RNF216: variants seen among roughly 807,000 people sequenced by gnomAD.
RNF216 encodes E3 ubiquitin-protein ligase RNF216.
In RNF216, 72 loss-of-function variants were observed where a neutral mutation model predicts 110.8. That is an observed-to-expected ratio of 0.65 (90% CI 0.54 to 0.79). RNF216 has a LOEUF of 0.79. Among genes scored for constraint, RNF216 ranks in the 30% least tolerant of loss-of-function variants. RNF216 has a pLI of 0.00. For missense variants in RNF216, 1,342 were observed against 1,141.2 expected, an observed-to-expected ratio of 1.18 and a Z score of -2.54; for synonymous variants, 495 against 407.5, an observed-to-expected ratio of 1.21 and a Z score of -2.59.
At chr7:5,750,043 C>G (rs1389026067) in intron 3 of RNF216, among the ~76,000 whole-genome samples, 1 of 152,108 alleles carries the variant, frequency 6.6e-6, no homozygotes, top group African/African-American at 2.4e-5. Flanking sequence ...AGGATCCCTC[C>G]AGAATTTGCA....
chr7:5,775,709 A>C (rs1796737252), intron 1 of RNF216, among the ~76,000 whole-genome samples: 1 of 152,042 alleles, frequency 6.6e-6, no homozygotes, highest in South Asian at 2.1e-4. Context: ...TCTCTACTAA[A>C]AATACAAAAA....
intron 1 of RNF216, 144 bp downstream of exon 1, chr7:5,781,397 G>C (rs1419148553): frequency 6.8e-6 from 1 of 148,086 alleles, no homozygotes; most frequent in Non-Finnish European, 1.5e-5. Flanking sequence ...CCCGGGCCTC[G>C]GCCCGCGCCC....
intron 2 of RNF216, chr7:5,760,460 G>C (rs1347628914): frequency 2.6e-6 from 1 of 385,552 alleles, no homozygotes; most frequent in Non-Finnish European, 5.3e-6. Context: ...AGCTCGTGGT[G>C]AGTCGAGATT....
At chr7:5,772,782 T>G (rs1273130217) in intron 1 of RNF216, among the ~76,000 whole-genome samples, 1 of 138,108 alleles carries the variant, frequency 7.2e-6, no homozygotes, top group Non-Finnish European at 1.7e-5. Context: ...TTCCTTTTTT[T>G]TTTTTTTTTT....
At chr7:5,706,070 A>C (rs956562047) in intron 13 of RNF216, among the ~76,000 whole-genome samples, 1 of 151,948 alleles carries the variant, frequency 6.6e-6, no homozygotes, top group East Asian at 1.9e-4. Flanking sequence ...AATGCAAAAA[A>C]TTAGCCGGGC....
chr7:5,743,827 T>C (rs999210506), intron 3 of RNF216, among the ~76,000 whole-genome samples: 1 of 152,144 alleles, frequency 6.6e-6, no homozygotes, highest in Non-Finnish European at 1.5e-5. Context: ...AAGCTGGAAA[T>C]ACCCTGGACC....
chr7:5,725,582 G>A (rs1793701247), intron 7 of RNF216, 144 bp from the exon 8 acceptor site: 1 of 620,624 alleles, frequency 1.6e-6, no homozygotes, highest in East Asian at 2.7e-5. Flanking sequence ...TGGGTGCGGT[G>A]GCTGACGCCT....
chr7:5,728,308 G>GGT (rs1793881415), intron 7 of RNF216, among the ~76,000 whole-genome samples: 2 of 151,752 alleles, frequency 1.3e-5, no homozygotes, highest in Non-Finnish European at 2.9e-5. Flanking sequence ...GGCCAGGCAC[G>GGT]GTGGCTCATG....
At chr7:5,771,359 A>G (rs1562480835) in intron 1 of RNF216, among the ~76,000 whole-genome samples, 1 of 152,214 alleles carries the variant, frequency 6.6e-6, no homozygotes, top group Non-Finnish European at 1.5e-5. Flanking sequence ...TACCCTAAAC[A>G]GGACATAAAC....
chr7:5,753,959 C>T (rs1261863107), intron 2 of RNF216, among the ~76,000 whole-genome samples: 1 of 152,124 alleles, frequency 6.6e-6, no homozygotes, highest in Non-Finnish European at 1.5e-5. Context: ...CGCAACACTG[C>T]ACTCTAGCCT....
intron 2 of RNF216, among the ~76,000 whole-genome samples, chr7:5,754,350 A>G (rs1208695441): frequency 6.6e-6 from 1 of 151,890 alleles, no homozygotes; most frequent in African/African-American, 2.4e-5. Context: ...TTTTGTAGAG[A>G]TGGAGTCTCA....
At chr7:5,635,006 T>C (rs920063667) in intron 15 of RNF216, among the ~76,000 whole-genome samples, 2 of 152,184 alleles carry the variant, frequency 1.3e-5, no homozygotes, top group Non-Finnish European at 2.9e-5. Flanking sequence ...AGGGACCCTA[T>C]GGGCACCTAA....
At chr7:5,667,554 A>G (rs977095991) in intron 13 of RNF216, among the ~76,000 whole-genome samples, 2 of 152,216 alleles carry the variant, frequency 1.3e-5, no homozygotes, top group African/African-American at 4.8e-5. Context: ...CATGCATAGG[A>G]AGCAGATCTA....
At chr7:5,735,299 T>G (rs756608908) in intron 5 of RNF216, among the ~76,000 whole-genome samples, 3 of 152,136 alleles carry the variant, frequency 2.0e-5, no homozygotes, top group African/African-American at 4.8e-5. Flanking sequence ...ACTCAAGATA[T>G]GAGCTTAGAG....
chr7:5,739,214 T>G, intron 5 of RNF216, 62 bp downstream of exon 5: 10 of 1,439,598 alleles, frequency 6.9e-6, no homozygotes, highest in Non-Finnish European at 9.1e-6. Context: ...TGGTAAATTT[T>G]TTATTACATA....
intron 6 of RNF216, among the ~76,000 whole-genome samples, chr7:5,729,916 A>AC (rs1793988715): frequency 6.6e-6 from 1 of 152,198 alleles, no homozygotes. Context: ...AGAGACAGTC[A>AC]AAGAATCTAT....
chr7:5,677,436 TAAAAGGAAAACA>T (rs1311774484), intron 13 of RNF216, among the ~76,000 whole-genome samples: 6 of 151,888 alleles, frequency 4.0e-5, no homozygotes, highest in Admixed American at 6.6e-5. Context: ...CTTTCCTCTA[TAAAAGGAAAACA>T]AAAAGGAAAA....
intron 3 of RNF216, among the ~76,000 whole-genome samples, chr7:5,745,668 G>T (rs1454672081): frequency 6.6e-6 from 1 of 152,052 alleles, no homozygotes; most frequent in African/African-American, 2.4e-5. Flanking sequence ...GGGAGGCTGA[G>T]GTGGGTGGAT....
chr7:5,653,606 A>C (rs1215604666), intron 13 of RNF216, among the ~76,000 whole-genome samples: 2 of 148,034 alleles, frequency 1.4e-5, no homozygotes, highest in Admixed American at 6.7e-5. Flanking sequence ...GTCTCAAAAA[A>C]AAAAAAAAAA....
Sources: allele counts gnomAD v4.1 joint callset (sites outside exome capture counted in the v4.1 genomes callset), GRCh38; gene constraint gnomAD v4.1.1; transcripts MANE v1.5; gene names NCBI Gene and HGNC (gene_info 2026-07-23, HGNC 2026-07-21).